TIA1: variants seen among roughly 807,000 people sequenced by gnomAD.
TIA1 encodes the protein cytotoxic granule associated RNA binding protein TIA1.
TIA1 carries 23 observed loss-of-function variants against 65.9 expected under a neutral mutation model. That is an observed-to-expected ratio of 0.35 (90% CI 0.25 to 0.49). The LOEUF (loss-of-function observed/expected upper bound fraction) is 0.49, where lower values mean the gene tolerates loss of function less well. TIA1 is among the 20% of genes least tolerant of loss of function. The pLI, the probability that TIA1 is intolerant of heterozygous loss-of-function variation, is 0.98. For synonymous variants in TIA1, 147 were observed against 149.4 expected, an observed-to-expected ratio of 0.98 and a Z score of 0.12; for missense variants, 371 against 477.9, an observed-to-expected ratio of 0.78 and a Z score of 2.09.
intron 1 of TIA1, among the ~76,000 whole-genome samples, chr2:70,240,574 A>G (rs1691206940): frequency 6.6e-6 from 1 of 152,174 alleles, no homozygotes; most frequent in African/African-American, 2.4e-5. Flanking sequence ...ATAAATAAAT[A>G]AAAGAAACAG....
intron 5 of TIA1, chr2:70,228,805 G>A: frequency 7.3e-7 from 1 of 1,377,948 alleles, no homozygotes; most frequent in Non-Finnish European, 9.4e-7. Flanking sequence ...AGGGTATTTT[G>A]CCCCTTAGTT....
chr2:70,217,175 TTTTA>T (rs1242342138), intron 7 of TIA1, 181 bp from the exon 8 acceptor site: 6 of 463,718 alleles, frequency 1.3e-5, no homozygotes, highest in African/African-American at 4.0e-5. Flanking sequence ...TTAAATTTTA[TTTTA>T]TTTATTTTTT....
chr2:70,221,470 C>CA (rs112906228), intron 7 of TIA1, among the ~76,000 whole-genome samples: 9,687 of 143,732 alleles, frequency 0.067, 354 homozygotes, highest in East Asian at 0.18. Context: ...ACCCTCTCTC[C>CA]AAAAAAAAAA....
chr2:70,216,873 C>A lies in TIA1; in HGVS notation c.583+13G>T. Reference sequence around the variant, plus strand: ...AAAATTCCACATTTCCTTTTCTTCTCCAATACACCTACACTCATATGTACT... The same window carrying A: ...AAAATTCCACATTTCCTTTTCTTCTACAATACACCTACACTCATATGTACT... On this transcript the variant is annotated intron_variant, in intron 8 of 12. Transcript: ENST00000433529. 6.2e-7 allele frequency: 1 copy of A among 1,614,042 alleles called. No individual in the cohort carries two copies. Among genetic ancestry groups the A allele is most frequent in the Non-Finnish European group, 8.5e-7 (1 of 1,179,992 alleles).
At chr2:70,234,614 T>C (rs1410204535) in intron 2 of TIA1, among the ~76,000 whole-genome samples, 1 of 152,132 alleles carries the variant, frequency 6.6e-6, no homozygotes, top group Non-Finnish European at 1.5e-5. Flanking sequence ...CAGGCTGGAG[T>C]GCAATGGTGC....
At chr2:70,225,487 G>T in intron 6 of TIA1, 1 of 1,225,524 alleles carries the variant, frequency 8.2e-7, no homozygotes, top group South Asian at 1.3e-5. Flanking sequence ...GACTCAAATT[G>T]TGCTTCACAG....
At chr2:70,229,401 T>C (rs1254942310) in intron 3 of TIA1, 83 bp from the exon 4 acceptor site, 21 of 1,208,264 alleles carry the variant, frequency 1.7e-5, no homozygotes, top group Non-Finnish European at 2.5e-5. Context: ...CATAGGAAGA[T>C]ATCTGTTTAA....
chr2:70,228,247 A>C, intron 5 of TIA1: 1 of 967,474 alleles, frequency 1.0e-6, no homozygotes, highest in South Asian at 1.8e-5. Context: ...TGAATTATGT[A>C]GACTAGATTT....
At chr2:70,217,194 TAG>T (rs1349794364) in intron 7 of TIA1, 200 bp from the exon 8 acceptor site, 1 of 384,654 alleles carries the variant, frequency 2.6e-6, no homozygotes, top group Non-Finnish European at 4.3e-6. Flanking sequence ...TTTTTTCAGA[TAG>T]AGTCTCGCTC....
chr2:70,242,120 C>T (rs1040148012), intron 1 of TIA1, among the ~76,000 whole-genome samples: 10 of 152,026 alleles, frequency 6.6e-5, no homozygotes. Flanking sequence ...TTAAGGGATG[C>T]TAGATGAAGG....
At chr2:70,225,057 A>G (rs1234639183) in intron 6 of TIA1, 6 of 982,050 alleles carry the variant, frequency 6.1e-6, no homozygotes, top group Non-Finnish European at 7.3e-6. Context: ...GGAAACCAAA[A>G]GAATGAAAAA....
chr2:70,248,406 G>C lies in TIA1; in HGVS notation c.25C>G (p.Leu9Val). MEDEMPKT[L>V]YVGNLSRDVT... ...CCCTCATCGCTGCCCCAGACTCACA[G>C]AGTCTTGGGCATCTCGTCCTCCATG... Residue 9 changes from leucine to valine, a missense_variant and splice_region_variant, in exon 1 of 13, where the codon CTA becomes GTA. Leu to Val is a conservative substitution (Grantham distance 32, BLOSUM62 1). Coordinates refer to ENST00000433529, the MANE Select transcript of TIA1 (RefSeq NM_022173.4). 1.2e-6 allele frequency: 2 copies of C among 1,600,436 alleles called. No homozygotes were observed. Among genetic ancestry groups the C allele is most frequent in the Non-Finnish European group, 1.7e-6 (2 of 1,179,900 alleles).
intron 5 of TIA1, 24 bp downstream of exon 5, chr2:70,229,035 T>G (rs745544915): frequency 6.3e-7 from 1 of 1,586,028 alleles, no homozygotes; most frequent in East Asian, 2.3e-5. Flanking sequence ...AGATTTCATT[T>G]TATGTTTAAG....
intron 6 of TIA1, among the ~76,000 whole-genome samples, chr2:70,227,047 G>T (rs943296036): frequency 6.6e-6 from 1 of 152,008 alleles, no homozygotes; most frequent in African/African-American, 2.4e-5. Flanking sequence ...CAGAAACCCT[G>T]AAGAAGTTTT....
chr2:70,212,841 T>A lies in TIA1; in HGVS notation c.1039A>T (p.Thr347Ser), dbSNP rs1676847613. The change falls in exon 13 of 13, where the codon ACA becomes TCA. Residue 347 changes from threonine to serine, a missense_variant. Thr to Ser is a moderately conservative substitution (Grantham distance 58, BLOSUM62 1). Transcript: ENST00000433529. ...CCCATCCATGGTGCAGAAGACTGTG[T>A]CTGACTGGTGGAGAATGTGAAAGAA... ...QAWNQQGFNQ[T>S]QSSAPWMGPN... The A allele has an allele frequency of 1.9e-6, 3 of 1,612,428 alleles. No homozygotes were observed. The highest frequency in any genetic ancestry group is 2.7e-5 in the African/African-American group (2 of 74,880).
chr2:70,217,980 CA>C (rs377373329), intron 7 of TIA1, among the ~76,000 whole-genome samples: 1 of 152,316 alleles, frequency 6.6e-6, no homozygotes, highest in African/African-American at 2.4e-5. Flanking sequence ...ATTCATCCAA[CA>C]AATAAATATT....
rs74979052 is a variant in TIA1 at position 70,212,317 on chromosome 2, T to G, written c.*402A>C. On this transcript the variant is annotated 3_prime_UTR_variant, in exon 13 of 13. Coordinates refer to ENST00000433529, the MANE Select transcript of TIA1 (RefSeq NM_022173.4). The stretch of plus-strand genomic sequence containing the variant: ...ACTTCTAGACTCTGCACAGTTTTGG[T>G]TTTTTTTTTTAACATCTTTATATTA... 8 of 150,548 alleles carry G rather than the reference T, an allele frequency of 5.3e-5. No individual in the cohort carries two copies. The highest frequency in any genetic ancestry group is 3.9e-4 in the Admixed American group (6 of 15,434). The allele number at this position is 150,548 out of a possible 1,614,324, so 9.3% of individuals were successfully genotyped here. A position where few individuals can be genotyped will look rare whatever the true frequency, so the allele number is the denominator to read the frequency against.
chr2:70,212,198 A>C lies in TIA1; in HGVS notation c.*521T>G, dbSNP rs932263771. ...TGTAAACTAATAATTTATATTAAAA[A>C]ACCCCAAAGGGATAACAGTGGAGAT... On this transcript the variant is annotated 3_prime_UTR_variant, in exon 13 of 13. Coordinates refer to ENST00000433529, the MANE Select transcript of TIA1 (RefSeq NM_022173.4). The C allele has an allele frequency of 6.5e-6, 1 of 152,818 alleles. No homozygotes were observed. The highest frequency in any genetic ancestry group is 6.5e-5 in the Admixed American group (1 of 15,310). The allele number at this position is 152,818 out of a possible 1,614,324, so 9.5% of individuals were successfully genotyped here. A position where few individuals can be genotyped will look rare whatever the true frequency, so the allele number is the denominator to read the frequency against.
rs1320824363 is a variant in TIA1 at position 70,248,604 on chromosome 2, T to C, written c.-174A>G. ...AAACCGCCCGGCCCAGCGGGAACAA[T>C]GAAACCCCAATACAAGATGGCGGCG... On this transcript the variant is annotated 5_prime_UTR_variant, in exon 1 of 13. Coordinates refer to ENST00000433529, the MANE Select transcript of TIA1 (RefSeq NM_022173.4). 4.5e-6 allele frequency: 4 copies of C among 895,328 alleles called. No homozygotes were observed. Among genetic ancestry groups the C allele is most frequent in the Non-Finnish European group, 3.5e-6 (2 of 572,902 alleles). The allele number at this position is 895,328 out of a possible 1,614,324, so 55.5% of individuals were successfully genotyped here.
Sources: gnomAD v4.1 joint callset for allele counts (sites outside exome capture counted in the v4.1 genomes callset) on GRCh38, gnomAD v4.1.1 for gene constraint, MANE v1.5 for transcripts, NCBI Gene and HGNC (gene_info 2026-07-23, HGNC 2026-07-21) for gene names.